Variants in CDH19 observed in about 807,000 individuals in gnomAD.
CDH19 encodes the protein cadherin 19.
Under a neutral mutation model 64.2 loss-of-function variants are expected in CDH19, and 67 were observed. The ratio of observed to expected loss-of-function variants is 1.04; its 90% confidence interval spans 0.86 to 1.28. CDH19 has a LOEUF of 1.28. Among genes scored for constraint, CDH19 ranks in the 50% most tolerant of loss-of-function variants. CDH19 has a pLI of 0.00. For missense variants in CDH19, 1,030 were observed against 929.0 expected (o/e 1.11, Z -1.41); for synonymous variants, 346 against 319.3 (o/e 1.08, Z -0.89).
chr18:66,601,536 G>A (rs1406128979), intron 1 of CDH19, among the ~76,000 whole-genome samples: 1 of 151,924 alleles, frequency 6.6e-6, no homozygotes, highest in Non-Finnish European at 1.5e-5. Flanking sequence ...CAAATTTCAC[G>A]TGTTGTGCCA....
chr18:66,587,765 C>T (rs144879647), intron 1 of CDH19, among the ~76,000 whole-genome samples: 292 of 152,170 alleles, frequency 1.9e-3, no homozygotes, highest in African/African-American at 5.1e-3. Flanking sequence ...ACACTTCCCC[C>T]ACTAACTTCC....
At chr18:66,542,309 T>C (rs1307594937) in intron 7 of CDH19, among the ~76,000 whole-genome samples, 5 of 152,232 alleles carry the variant, frequency 3.3e-5, no homozygotes, top group Admixed American at 2.6e-4. Context: ...AAAATTAAAT[T>C]GAGCTTTTTC....
chr18:66,529,152 T>A (rs1311211938), intron 9 of CDH19, among the ~76,000 whole-genome samples: 1 of 151,974 alleles, frequency 6.6e-6, no homozygotes, highest in Non-Finnish European at 1.5e-5. Context: ...GATAATGTAT[T>A]TCAAAATGAG....
intron 1 of CDH19, among the ~76,000 whole-genome samples, chr18:66,595,774 T>C (rs1988871176): frequency 6.6e-6 from 1 of 152,110 alleles, no homozygotes; most frequent in Non-Finnish European, 1.5e-5. Context: ...TGAAACTATT[T>C]CAAAAATTTG....
chr18:66,559,483 G>A (rs1202364872), intron 3 of CDH19, among the ~76,000 whole-genome samples: 1 of 151,562 alleles, frequency 6.6e-6, no homozygotes, highest in Non-Finnish European at 1.5e-5. Context: ...ATACCATGCA[G>A]TTATAACGCA....
At chr18:66,594,548 A>G (rs1988830003) in intron 1 of CDH19, among the ~76,000 whole-genome samples, 2 of 152,008 alleles carry the variant, frequency 1.3e-5, no homozygotes, top group African/African-American at 4.8e-5. Flanking sequence ...AAAAAGCCCA[A>G]AGTCATACGA....
At chr18:66,585,112 C>T (rs758073014) in intron 1 of CDH19, among the ~76,000 whole-genome samples, 7 of 151,992 alleles carry the variant, frequency 4.6e-5, no homozygotes, top group Non-Finnish European at 7.4e-5. Flanking sequence ...TGTTGTTACT[C>T]AGCAGCCACA....
intron 2 of CDH19, among the ~76,000 whole-genome samples, chr18:66,571,226 A>G (rs1052440399): frequency 6.6e-6 from 1 of 151,626 alleles, no homozygotes; most frequent in East Asian, 1.9e-4. Context: ...GTGAAGTTCT[A>G]TGGAATCCAG....
intron 1 of CDH19, among the ~76,000 whole-genome samples, chr18:66,582,529 T>C (rs1185776801): frequency 1.3e-5 from 2 of 151,596 alleles, no homozygotes; most frequent in Non-Finnish European, 2.9e-5. Flanking sequence ...ATAACCCATG[T>C]GTCAACTCTT....
At chr18:66,508,295 A>G (rs1985298783) in intron 11 of CDH19, among the ~76,000 whole-genome samples, 1 of 151,954 alleles carries the variant, frequency 6.6e-6, no homozygotes, top group African/African-American at 2.4e-5. Context: ...TCAGTTAGAC[A>G]TTAGGAATAA....
In CDH19 at chr18:66,544,200, G is replaced by A. The variant is rs758808369; in HGVS notation, c.985C>T (p.His329Tyr). 2 of 1,612,996 alleles carry A rather than the reference G, an allele frequency of 1.2e-6. No individual in the cohort carries two copies. The highest frequency in any genetic ancestry group is 2.2e-5 in the South Asian group (2 of 90,964). ...TTAACTTTTGCTCTAATACCGTAGT[G>A]GTTCTGGTGCTCAAAATCCACTTTC... is the stretch of plus-strand genomic sequence containing the variant. The part of the protein sequence containing the change: ...KKKVDFEHQN[H>Y]YGIRAKVKNH... Residue 329 changes from histidine to tyrosine, a missense_variant, in exon 7 of 12, where the codon CAC (histidine) becomes TAC (tyrosine). Coordinates refer to ENST00000262150, the MANE Select transcript of CDH19 (RefSeq NM_021153.4).
rs780160742 is a variant in CDH19, at chr18:66,529,948, G to A, written c.1355C>T (p.Ser452Phe). ...ATEKYNIEQISSIPLYVQVLN... is the reference protein window; with the variant it reads ...ATEKYNIEQIFSIPLYVQVLN... The stretch of plus-strand genomic sequence containing the variant: ...AACTTGCACATACAGTGGGATCGAA[G>A]AGATCTGTTCTATATTGTCTGCAAT... Residue 452 changes from serine (S) to phenylalanine (F), a missense_variant, in exon 9 of 12, where the codon TCT becomes TTT. Ser to Phe is a radical substitution (Grantham distance 155). Coordinates refer to ENST00000262150, the MANE Select transcript of CDH19 (RefSeq NM_021153.4). The A allele has an allele frequency of 1.3e-6, 2 of 1,547,828 alleles. No homozygotes were observed. Among genetic ancestry groups the A allele is most frequent in the African/African-American group, 1.4e-5 (1 of 73,014 alleles).
rs188996517 is a variant in CDH19 at position 66,514,054 on chromosome 18, C to T, written c.1459-2369G>A. On this transcript the variant is annotated intron_variant, in intron 9 of 11. Coordinates refer to ENST00000262150, the MANE Select transcript of CDH19 (RefSeq NM_021153.4). ...TCTATACATTATCTTAGATAATCTT[C>T]ACAATGGTCTCTGGAATAAATCCTA... Among the ~76,000 whole-genome samples the T allele has an allele frequency of 4.9e-4, 74 of 151,574 alleles. 2 individuals are homozygous for T. The East Asian group carries it at 0.014, about 28-fold the overall frequency.
intron 1 of CDH19, among the ~76,000 whole-genome samples, chr18:66,590,667 A>G (rs1380956303): frequency 1.3e-5 from 2 of 152,042 alleles, no homozygotes; most frequent in Non-Finnish European, 2.9e-5. Flanking sequence ...GTATTTATAT[A>G]CTAATGATTC....
intron 1 of CDH19, among the ~76,000 whole-genome samples, chr18:66,583,545 A>C (rs1988486305): frequency 6.6e-6 from 1 of 151,942 alleles, no homozygotes; most frequent in African/African-American, 2.4e-5. Flanking sequence ...ATTTATGTTA[A>C]TGAGTTTTCA....
intron 1 of CDH19, among the ~76,000 whole-genome samples, chr18:66,591,687 A>G (rs1187162926): frequency 3.3e-5 from 5 of 151,898 alleles, no homozygotes; most frequent in African/African-American, 1.2e-4. Context: ...TTGATAATCT[A>G]GCAACTTACA....
intron 10 of CDH19, 38 bp from the exon 11 acceptor site, chr18:66,509,284 C>T (rs749512374): frequency 3.0e-5 from 47 of 1,586,408 alleles, no homozygotes; most frequent in South Asian, 4.5e-5. Context: ...TTTTCAACTA[C>T]GTAAGAGAAA....
At chr18:66,571,972 T>C in intron 2 of CDH19, 38 bp downstream of exon 2, 1 of 1,423,704 alleles carries the variant, frequency 7.0e-7, no homozygotes, top group Non-Finnish European at 9.8e-7. Flanking sequence ...ATTTACATTG[T>C]TGTGCTATTT....
At chr18:66,542,279 G>C (rs2144478621) in intron 7 of CDH19, among the ~76,000 whole-genome samples, 1 of 152,208 alleles carries the variant, frequency 6.6e-6, no homozygotes, top group South Asian at 2.1e-4. Flanking sequence ...ATGGAAAAGT[G>C]GGAACATTTC....
Sources: gnomAD v4.1 joint callset for allele counts (sites outside exome capture counted in the v4.1 genomes callset) on GRCh38, gnomAD v4.1.1 for gene constraint, MANE v1.5 for transcripts, NCBI Gene and HGNC (gene_info 2026-07-23, HGNC 2026-07-21) for gene names.